Variants in KHDRBS1 observed in about 807,000 individuals in gnomAD.
KHDRBS1 encodes KH RNA binding domain containing, signal transduction associated 1, also known as KH domain-containing, RNA-binding, signal transduction-associated protein 1.
KHDRBS1 carries 7 observed loss-of-function variants against 48.4 expected under a neutral mutation model. The observed-to-expected ratio is 0.14, with a 90% CI of 0.08 to 0.27. KHDRBS1 has a LOEUF of 0.27. KHDRBS1 is among the 10% of genes least tolerant of loss of function. The pLI is 1.00. For synonymous variants in KHDRBS1, 241 were observed against 235.8 expected, an observed-to-expected ratio of 1.02 and a Z score of -0.20; for missense variants, 458 against 601.2, an observed-to-expected ratio of 0.76 and a Z score of 2.49.
At chr1:32,048,832 A>G (rs1639384527), downstream of KHDRBS1, among the ~76,000 whole-genome samples, 1 of 152,022 alleles carries the variant, frequency 6.6e-6, no homozygotes, top group Non-Finnish European at 1.5e-5. Flanking sequence ...TCCAAAAAGA[A>G]ACCCCATGCC....
At position 32,058,710 on chromosome 1, in the gene KHDRBS1, G is replaced by A. The variant is rs187491412; in HGVS notation, n.1302-1453G>A. The stretch of plus-strand genomic sequence containing the variant: ...CCCAGCTGCTCGGGAGGTGGAGGCA[G>A]GAGGATCGCTTGAGCCAAGGAAGCA... On this transcript the variant is annotated intron_variant and non_coding_transcript_variant, in intron 10 of 10. Coordinates refer to the KHDRBS1 transcript ENST00000484270. 3.3e-5 allele frequency among the ~76,000 whole-genome samples: 5 copies of A among 152,300 alleles called. No homozygotes were observed. In the East Asian group the frequency reaches 7.7e-4, roughly 24 times the overall value.
chr1:32,016,900 G>A (rs1229849088), intron 1 of KHDRBS1, among the ~76,000 whole-genome samples: 1 of 152,086 alleles, frequency 6.6e-6, no homozygotes, highest in Non-Finnish European at 1.5e-5. Flanking sequence ...TGCACAGAGT[G>A]GCCTCTTATT....
intron 1 of KHDRBS1, among the ~76,000 whole-genome samples, chr1:32,018,617 C>G (rs975438409): frequency 6.6e-6 from 1 of 150,426 alleles, no homozygotes; most frequent in Non-Finnish European, 1.5e-5. Context: ...ATTAGCCGGG[C>G]GCAGTGGCGG....
At chr1:32,023,118 A>C (rs1638894972) in intron 1 of KHDRBS1, among the ~76,000 whole-genome samples, 2 of 152,076 alleles carry the variant, frequency 1.3e-5, no homozygotes, top group African/African-American at 4.8e-5. Context: ...AATCAAACCC[A>C]CTTTGTCTAG....
intron 1 of KHDRBS1, among the ~76,000 whole-genome samples, chr1:32,029,354 G>GT (rs869048975): frequency 2.6e-5 from 4 of 152,200 alleles, no homozygotes; most frequent in Non-Finnish European, 5.9e-5. Flanking sequence ...TCAATAAAAT[G>GT]TTTTTTTAAA....
chr1:32,032,176 T>C (rs192909445), intron 3 of KHDRBS1, among the ~76,000 whole-genome samples: 2 of 152,172 alleles, frequency 1.3e-5, no homozygotes, highest in African/African-American at 4.8e-5. Flanking sequence ...TTTTTCCCCA[T>C]GCCATAGCCG....
At chr1:32,017,211 T>C (rs1170545688) in intron 1 of KHDRBS1, among the ~76,000 whole-genome samples, 2 of 151,872 alleles carry the variant, frequency 1.3e-5, no homozygotes, top group Non-Finnish European at 2.9e-5. Flanking sequence ...TGAGCCCAGA[T>C]TGCACCATTG....
At chr1:32,051,716 T>G (rs1219883053) in intron 10 of KHDRBS1, among the ~76,000 whole-genome samples, 5 of 152,244 alleles carry the variant, frequency 3.3e-5, no homozygotes, top group Non-Finnish European at 5.9e-5. Context: ...GGGAATACTC[T>G]GACCCTTCCT....
rs561002285 is a variant in KHDRBS1 at position 32,037,707 on chromosome 1, T to C, written c.906-128T>C. 1.5e-5 allele frequency: 15 copies of C among 1,015,376 alleles called. 1 individual carries two copies. The highest frequency in any genetic ancestry group is 1.4e-4 in the African/African-American group (9 of 62,860). 62.9% of individuals were successfully genotyped at this position (1,015,376 alleles called of 1,614,324 possible). On this transcript the variant is annotated intron_variant, in intron 5 of 8. Transcript: ENST00000327300. ...GGGTCCTTTACCCTGTACATTCCTCTGTGCTTTAATAATAGCCTAGTTAAG... is the reference window on the plus strand; with the variant it reads ...GGGTCCTTTACCCTGTACATTCCTCCGTGCTTTAATAATAGCCTAGTTAAG...
intron 1 of KHDRBS1, among the ~76,000 whole-genome samples, chr1:32,022,589 G>C (rs1638881103): frequency 6.6e-6 from 1 of 151,958 alleles, no homozygotes; most frequent in South Asian, 2.1e-4. Flanking sequence ...CCTTATGCAG[G>C]CCATATCAAA....
chr1:32,028,224 C>T (rs1403097151), intron 1 of KHDRBS1, among the ~76,000 whole-genome samples: 1 of 151,906 alleles, frequency 6.6e-6, no homozygotes, highest in Non-Finnish European at 1.5e-5. Context: ...AAGTATGGTC[C>T]CTGGACCAGC....
At chr1:32,052,432 C>G (rs759849563) in intron 10 of KHDRBS1, 6 of 150,866 alleles carry the variant, frequency 4.0e-5, no homozygotes, top group Non-Finnish European at 7.4e-5. Context: ...GTGTCTCACT[C>G]TGTCGCCCGG....
chr1:32,015,821 TCA>T (rs1638728332), intron 1 of KHDRBS1, among the ~76,000 whole-genome samples: 1 of 152,200 alleles, frequency 6.6e-6, no homozygotes, highest in African/African-American at 2.4e-5. Flanking sequence ...TGCAGTGAAG[TCA>T]CAACCCATTG....
At chr1:32,014,485 A>G (rs1360901779) in intron 1 of KHDRBS1, 108 bp downstream of exon 1, 1 of 1,126,558 alleles carries the variant, frequency 8.9e-7, no homozygotes, top group Non-Finnish European at 1.1e-6. Context: ...GGCAGTCGGG[A>G]GTTCCGGTCT....
intron 1 of KHDRBS1, among the ~76,000 whole-genome samples, chr1:32,022,782 C>T (rs534120639): frequency 5.4e-4 from 82 of 151,886 alleles, no homozygotes; most frequent in Non-Finnish European, 1.0e-3. Context: ...ACCAGCTACT[C>T]GGGAGGCTGA....
chr1:32,030,589 C>G (rs1318505892), intron 2 of KHDRBS1, among the ~76,000 whole-genome samples, 167 bp downstream of exon 2: 2 of 152,076 alleles, frequency 1.3e-5, no homozygotes, highest in Non-Finnish European at 2.9e-5. Context: ...TATCTAAGTT[C>G]TTAACTAATA....
At chr1:32,051,489 C>CTTT (rs1639421488) in intron 10 of KHDRBS1, among the ~76,000 whole-genome samples, 1 of 152,168 alleles carries the variant, frequency 6.6e-6, no homozygotes. Context: ...ACAAAGCATG[C>CTTT]TTTTATTTCT....
intron 1 of KHDRBS1, among the ~76,000 whole-genome samples, chr1:32,026,582 G>GA (rs1274384196): frequency 6.6e-6 from 1 of 152,034 alleles, no homozygotes; most frequent in African/African-American, 2.4e-5. Flanking sequence ...TTTAAGAAAT[G>GA]AAAAAATGAA....
chr1:32,016,645 CCAT>C (rs1638745898), intron 1 of KHDRBS1, among the ~76,000 whole-genome samples: 1 of 152,158 alleles, frequency 6.6e-6, no homozygotes, highest in Non-Finnish European at 1.5e-5. Flanking sequence ...GCACCTTTGA[CCAT>C]TCCCAATAAG....
Sources: allele counts gnomAD v4.1 joint callset (sites outside exome capture counted in the v4.1 genomes callset), GRCh38; gene constraint gnomAD v4.1.1; transcripts MANE v1.5; gene names NCBI Gene and HGNC (gene_info 2026-07-23, HGNC 2026-07-21).